The following ANAPC7 variants were observed in gnomAD, a reference collection of about 807,000 sequenced individuals.
ANAPC7 encodes the protein anaphase promoting complex subunit 7, also known as anaphase-promoting complex subunit 7.
Under a neutral mutation model 63.3 loss-of-function variants are expected in ANAPC7, and 25 were observed. That is an observed-to-expected ratio of 0.39 (90% CI 0.29 to 0.55). The LOEUF (loss-of-function observed/expected upper bound fraction) is 0.55. ANAPC7 is among the 20% of genes least tolerant of loss of function. The pLI is 0.57. For synonymous variants in ANAPC7, 241 were observed against 251.7 expected (o/e 0.96, Z 0.40); for missense variants, 516 against 691.7 (o/e 0.75, Z 2.85).
At chr12:110,403,477 ACCG>A in intron 1 of ANAPC7, 47 bp downstream of exon 1, 2 of 1,538,832 alleles carry the variant, frequency 1.3e-6, no homozygotes, top group Non-Finnish European at 1.8e-6. Flanking sequence ...CCGCTCCCAG[ACCG>A]CCGCCGCTTT....
intron 6 of ANAPC7, chr12:110,383,170 G>T: frequency 2.1e-6 from 1 of 476,774 alleles, no homozygotes; most frequent in South Asian, 3.3e-5. Flanking sequence ...TGGGCACAGT[G>T]GCTCACACCT....
At chr12:110,382,982 A>G in intron 6 of ANAPC7, 22 bp from the exon 7 acceptor site, 1 of 1,586,412 alleles carries the variant, frequency 6.3e-7, no homozygotes, top group Non-Finnish European at 8.6e-7. Context: ...GGACATAGTG[A>G]GAAGAGGTGT....
chr12:110,399,210 G>C (rs567387343), intron 1 of ANAPC7, among the ~76,000 whole-genome samples: 12 of 151,572 alleles, frequency 7.9e-5, no homozygotes, highest in Admixed American at 7.2e-4. Flanking sequence ...TGGTAGAGAC[G>C]GGGTTTCGCC....
intron 1 of ANAPC7, among the ~76,000 whole-genome samples, chr12:110,397,438 A>G (rs1224030588): frequency 6.6e-6 from 1 of 151,876 alleles, no homozygotes; most frequent in Non-Finnish European, 1.5e-5. Context: ...CTGTAGTCCC[A>G]GCTACTCGGG....
Position 110,394,807 on chromosome 12 carries a change from C to G in ANAPC7, c.408+294G>C, listed in dbSNP as rs1883428627. ...GCTGCAGTGAGCCAGGATCACAACACTGTACTGTAGCCTGGGTGACAGTGA... is the reference window on the plus strand; with the variant it reads ...GCTGCAGTGAGCCAGGATCACAACAGTGTACTGTAGCCTGGGTGACAGTGA... On this transcript the variant is annotated intron_variant, in intron 3 of 10. Transcript: ENST00000455511. Among the ~76,000 whole-genome samples the G allele has an allele frequency of 2.0e-5, 3 of 151,730 alleles. 1 individual carries two copies. In the South Asian group the frequency reaches 6.2e-4, roughly 32 times the overall value.
intron 6 of ANAPC7, among the ~76,000 whole-genome samples, chr12:110,385,926 C>G (rs188431616): frequency 1.5e-3 from 232 of 152,208 alleles, no homozygotes; most frequent in South Asian, 2.5e-3. Context: ...CTTTAATCAC[C>G]TTATCCCTTT....
intron 3 of ANAPC7, among the ~76,000 whole-genome samples, chr12:110,392,829 CTT>C (rs1883215997): frequency 6.6e-6 from 1 of 152,026 alleles, no homozygotes; most frequent in Non-Finnish European, 1.5e-5. Context: ...GAGTTTCACT[CTT>C]GTTGCCCAGG....
chr12:110,390,128 G>T (rs1882977050), intron 3 of ANAPC7, among the ~76,000 whole-genome samples: 1 of 151,732 alleles, frequency 6.6e-6, no homozygotes, highest in African/African-American at 2.4e-5. Context: ...GAGTGCGATG[G>T]CACGATCTCA....
intron 3 of ANAPC7, among the ~76,000 whole-genome samples, chr12:110,393,195 G>T (rs1210196434): frequency 6.6e-6 from 1 of 152,084 alleles, no homozygotes; most frequent in Non-Finnish European, 1.5e-5. Context: ...AAGGATAAAA[G>T]AATCTTACAG....
At chr12:110,386,249 T>TA in intron 6 of ANAPC7, 78 bp downstream of exon 6, 1 of 1,575,468 alleles carries the variant, frequency 6.3e-7, no homozygotes, top group Middle Eastern at 1.7e-4. Context: ...TATCGAGTAT[T>TA]AATGCTGCAT....
chr12:110,375,326 G>C, intron 10 of ANAPC7: 1 of 756,144 alleles, frequency 1.3e-6, no homozygotes, highest in Non-Finnish European at 1.6e-6. Flanking sequence ...CCGAAACATA[G>C]CATCTCCAGT....
intron 2 of ANAPC7, among the ~76,000 whole-genome samples, chr12:110,396,064 T>C (rs56251637): frequency 7.2e-5 from 11 of 152,044 alleles, no homozygotes; most frequent in Non-Finnish European, 1.5e-4. Context: ...ATAGGGTTTG[T>C]GTTCCTATAA....
At chr12:110,382,462 ATATATATAT>A (rs1180773548) in intron 7 of ANAPC7, among the ~76,000 whole-genome samples, 35 of 53,444 alleles carry the variant, frequency 6.5e-4, no homozygotes, top group East Asian at 4.4e-4. Context: ...AAAAAAAAAA[ATATATATAT>A]ATATATATAT....
chr12:110,389,094 AAAAAAAAAG>A (rs1423189611), intron 3 of ANAPC7, among the ~76,000 whole-genome samples: 42 of 147,112 alleles, frequency 2.9e-4, no homozygotes, highest in African/African-American at 1.1e-3. Flanking sequence ...AAAAAAAAAA[AAAAAAAAAG>A]AAAAGAAAAG....
intron 3 of ANAPC7, among the ~76,000 whole-genome samples, chr12:110,394,612 C>T (rs773932388): frequency 1.4e-4 from 18 of 131,304 alleles, no homozygotes; most frequent in Admixed American, 1.9e-4. Flanking sequence ...GGCAACTTTG[C>T]AGTGAGCCCC....
intron 1 of ANAPC7, among the ~76,000 whole-genome samples, chr12:110,402,834 C>T (rs2062251683): frequency 6.6e-6 from 1 of 152,060 alleles, no homozygotes; most frequent in African/African-American, 2.4e-5. Context: ...CTCCTGGGTT[C>T]AAGCGATCCT....
At chr12:110,403,466 C>G in intron 1 of ANAPC7, 61 bp downstream of exon 1, 2 of 1,528,498 alleles carry the variant, frequency 1.3e-6, no homozygotes, top group Non-Finnish European at 1.8e-6. Context: ...GCCCTGAGCC[C>G]CCGCTCCCAG....
At chr12:110,392,864 C>T (rs1305513318) in intron 3 of ANAPC7, among the ~76,000 whole-genome samples, 7 of 152,020 alleles carry the variant, frequency 4.6e-5, no homozygotes, top group African/African-American at 1.7e-4. Context: ...GGCACCACGT[C>T]GGCTCACCGC....
chr12:110,380,957 GA>G (rs994128416), intron 8 of ANAPC7, among the ~76,000 whole-genome samples: 193 of 150,010 alleles, frequency 1.3e-3, no homozygotes, highest in African/African-American at 4.6e-3. Flanking sequence ...AGGAGTAAGA[GA>G]AAAAAAATAG....
Sources: allele counts gnomAD v4.1 joint callset (sites outside exome capture counted in the v4.1 genomes callset), GRCh38; gene constraint gnomAD v4.1.1; transcripts MANE v1.5; gene names NCBI Gene and HGNC (gene_info 2026-07-23, HGNC 2026-07-21).